Variants in HMGCLL1 observed in about 807,000 individuals in gnomAD.
HMGCLL1 encodes the protein 3-hydroxymethyl-3-methylglutaryl-CoA lyase, cytoplasmic.
HMGCLL1 carries 36 observed loss-of-function variants against 39.1 expected under a neutral mutation model. The observed-to-expected ratio is 0.92, with a 90% confidence interval of 0.71 to 1.22. The LOEUF (loss-of-function observed/expected upper bound fraction) is 1.22. Among genes scored for constraint, HMGCLL1 ranks in the 50% most tolerant of loss-of-function variants. HMGCLL1 has a pLI of 0.00. For missense variants in HMGCLL1, 451 were observed against 416.5 expected, an observed-to-expected ratio of 1.08 and a Z score of -0.72; for synonymous variants, 149 against 144.0, an observed-to-expected ratio of 1.03 and a Z score of -0.25.
chr6:55,498,586 A>G (rs952191686), intron 6 of HMGCLL1, among the ~76,000 whole-genome samples: 2 of 152,184 alleles, frequency 1.3e-5, no homozygotes, highest in Non-Finnish European at 2.9e-5. Flanking sequence ...ACAGGTCTAC[A>G]TTAATATACT....
intron 7 of HMGCLL1, among the ~76,000 whole-genome samples, chr6:55,471,132 T>C (rs747002431): frequency 5.9e-5 from 9 of 151,826 alleles, no homozygotes; most frequent in African/African-American, 2.2e-4. Flanking sequence ...TGTTATAATA[T>C]GATTGGTAAA....
chr6:55,479,000 C>CT (rs1209009506), intron 7 of HMGCLL1, among the ~76,000 whole-genome samples: 2 of 151,472 alleles, frequency 1.3e-5, no homozygotes, highest in African/African-American at 4.9e-5. Flanking sequence ...GAATTTCTCT[C>CT]TTTTTTTGCC....
the HMGCLL1 span, among the ~76,000 whole-genome samples, chr6:55,655,409 G>A: frequency 1.0e-3 from 152 of 151,138 alleles, no homozygotes; most frequent in Middle Eastern, 3.4e-3. Flanking sequence ...CTATGGCTCT[G>A]TGTCCTCTCT....
intron 7 of HMGCLL1, among the ~76,000 whole-genome samples, chr6:55,487,869 C>T (rs1266106755): frequency 6.6e-6 from 1 of 151,956 alleles, no homozygotes; most frequent in African/African-American, 2.4e-5. Flanking sequence ...ATACTTCACC[C>T]CAGGTTTGCT....
chr6:55,557,998 T>C (rs1770761300), intron 1 of HMGCLL1, among the ~76,000 whole-genome samples: 1 of 152,144 alleles, frequency 6.6e-6, no homozygotes, highest in Admixed American at 6.5e-5. Flanking sequence ...CAGGTTTGGT[T>C]GAAAACTAGC....
chr6:55,480,685 A>C (rs1294171741), intron 7 of HMGCLL1, among the ~76,000 whole-genome samples: 1 of 151,794 alleles, frequency 6.6e-6, no homozygotes, highest in Non-Finnish European at 1.5e-5. Context: ...CTGTACTTAC[A>C]TGTTTACTGC....
the HMGCLL1 span, among the ~76,000 whole-genome samples, chr6:55,597,385 T>G: frequency 2.0e-5 from 3 of 152,120 alleles, no homozygotes; most frequent in East Asian, 5.8e-4. Context: ...AGACGTTTTC[T>G]ATCAATGACA....
At chr6:55,569,853 C>T (rs1394574017) in intron 1 of HMGCLL1, among the ~76,000 whole-genome samples, 1 of 152,150 alleles carries the variant, frequency 6.6e-6, no homozygotes, top group Non-Finnish European at 1.5e-5. Context: ...GGGATGCTGG[C>T]CTTGTTCTCA....
Position 55,434,382 on chromosome 6 carries a change from T to C in HMGCLL1, c.*1280A>G, listed in dbSNP as rs1233954289. On this transcript the variant is annotated 3_prime_UTR_variant, in exon 9 of 9. Coordinates refer to ENST00000274901, the MANE Select transcript of HMGCLL1 (RefSeq NM_001042406.2). The stretch of plus-strand genomic sequence containing the variant: ...ACATAATCAGTACTTCTTACTTTCT[T>C]GAATTTATTTTTATTTCAATGGTTT... 6.6e-6 allele frequency: 1 copy of C among 152,076 alleles called. No individual in the cohort carries two copies. Among genetic ancestry groups the C allele is most frequent in the Admixed American group, 6.6e-5 (1 of 15,222 alleles). 9.4% of individuals were successfully genotyped at this position (152,076 alleles called of 1,614,324 possible).
In HMGCLL1 at chr6:55,495,469, A is replaced by C. The variant is rs1766523749; in HGVS notation, c.745T>G (p.Cys249Gly). 1 of 1,613,994 alleles carries C rather than the reference A, an allele frequency of 6.2e-7. No homozygotes were observed. The highest frequency in any genetic ancestry group is 8.5e-7 in the Non-Finnish European group (1 of 1,179,980). Residue 249 changes from cysteine to glycine, a missense_variant, in exon 7 of 9, where the codon TGT (cysteine) becomes GGT (glycine). Coordinates refer to ENST00000274901, the MANE Select transcript of HMGCLL1 (RefSeq NM_001042406.2). ...EIPPGALAVHCHDTYGQALAN... is the reference protein window; with the variant it reads ...EIPPGALAVHGHDTYGQALAN... ...AAGGCTTGTCCGTATGTGTCATGAC[A>C]GTGAACAGCAAGAGCACCTGGTGGG...
intron 3 of HMGCLL1, among the ~76,000 whole-genome samples, chr6:55,519,298 T>C (rs1767910328): frequency 1.3e-5 from 2 of 149,846 alleles, no homozygotes; most frequent in Non-Finnish European, 1.5e-5. Context: ...TTGTGACAAG[T>C]TCTGTGGTAG....
At chr6:55,439,586 G>A (rs1296044165) in intron 7 of HMGCLL1, 27 bp from the exon 8 acceptor site, 2 of 1,605,396 alleles carry the variant, frequency 1.2e-6, no homozygotes, top group African/African-American at 1.3e-5. Context: ...ACCACCTAAA[G>A]CTTGTGTGTT....
intron 5 of HMGCLL1, among the ~76,000 whole-genome samples, chr6:55,504,712 C>T (rs562081111): frequency 6.6e-6 from 1 of 151,454 alleles, no homozygotes; most frequent in African/African-American, 2.4e-5. Context: ...TTGGTTGAAT[C>T]CCTGCATGTA....
At chr6:55,659,419 A>G in the HMGCLL1 span, among the ~76,000 whole-genome samples, 2 of 151,964 alleles carry the variant, frequency 1.3e-5, no homozygotes, top group Non-Finnish European at 2.9e-5. Context: ...TGTCTCTCTG[A>G]AGGGCAAATT....
the HMGCLL1 span, among the ~76,000 whole-genome samples, chr6:55,609,659 C>T: frequency 2.0e-5 from 3 of 152,144 alleles, no homozygotes; most frequent in African/African-American, 4.8e-5. Context: ...CAGCACAACT[C>T]GTCCACCAAG....
At chr6:55,463,342 G>A (rs888530467) in intron 7 of HMGCLL1, among the ~76,000 whole-genome samples, 5 of 151,946 alleles carry the variant, frequency 3.3e-5, no homozygotes, top group Admixed American at 6.6e-5. Context: ...CCAGTCTTTA[G>A]CTGAGAAGAG....
chr6:55,658,903 G>A, the HMGCLL1 span, among the ~76,000 whole-genome samples: 1 of 151,878 alleles, frequency 6.6e-6, no homozygotes, highest in African/African-American at 2.4e-5. Context: ...CAGCGACCCA[G>A]ACTGGGGCAT....
intron 7 of HMGCLL1, among the ~76,000 whole-genome samples, chr6:55,443,901 C>G (rs554486125): frequency 6.6e-6 from 1 of 151,342 alleles, no homozygotes; most frequent in South Asian, 2.1e-4. Context: ...AGAAGACATA[C>G]GTCATTTCAT....
chr6:55,500,858 C>T (rs1199139204), intron 5 of HMGCLL1, among the ~76,000 whole-genome samples: 2 of 151,886 alleles, frequency 1.3e-5, no homozygotes, highest in East Asian at 1.9e-4. Context: ...TATATAAATA[C>T]ATTGATTTTT....
Sources: allele counts gnomAD v4.1 joint callset (sites outside exome capture counted in the v4.1 genomes callset), GRCh38; gene constraint gnomAD v4.1.1; transcripts MANE v1.5; gene names NCBI Gene and HGNC (gene_info 2026-07-23, HGNC 2026-07-21).